The following ELL2 variants were observed in gnomAD, a reference collection of about 807,000 sequenced individuals.
ELL2 encodes the protein RNA polymerase II elongation factor ELL2.
Under a neutral mutation model 72.8 loss-of-function variants are expected in ELL2, and 21 were observed. That is an observed-to-expected ratio of 0.29 (90% CI 0.20 to 0.42). The LOEUF is 0.42. Among genes scored for constraint, ELL2 ranks in the 10% least tolerant of loss-of-function variants. The pLI is 1.00. For synonymous variants in ELL2, 266 were observed against 283.2 expected (o/e 0.94, Z 0.61); for missense variants, 568 against 772.8 (o/e 0.73, Z 3.14).
chr5:95,931,511 A>G (rs1750599312), intron 2 of ELL2, among the ~76,000 whole-genome samples: 1 of 152,112 alleles, frequency 6.6e-6, no homozygotes. Context: ...AGTTAACTAT[A>G]CTCATTCTGA....
At chr5:95,903,035 C>G (rs1749200224) in intron 5 of ELL2, among the ~76,000 whole-genome samples, 1 of 151,976 alleles carries the variant, frequency 6.6e-6, no homozygotes, top group Non-Finnish European at 1.5e-5. Flanking sequence ...GCAATCTTCC[C>G]TTGGCCTCCT....
At chr5:95,900,452 TA>T in intron 7 of ELL2, 1 of 319,810 alleles carries the variant, frequency 3.1e-6, no homozygotes, top group Non-Finnish European at 5.6e-6. Context: ...ATGTAAACTT[TA>T]AAAATGGAAA....
At chr5:95,920,802 G>A (rs1781380807) in intron 2 of ELL2, among the ~76,000 whole-genome samples, 1 of 152,122 alleles carries the variant, frequency 6.6e-6, no homozygotes, top group Non-Finnish European at 1.5e-5. Flanking sequence ...TGACTTAACC[G>A]AACTTCAGCT....
intron 5 of ELL2, among the ~76,000 whole-genome samples, chr5:95,904,126 C>T (rs1749256610): frequency 6.6e-6 from 1 of 152,212 alleles, no homozygotes; most frequent in African/African-American, 2.4e-5. Flanking sequence ...TCCCTGATCT[C>T]TCCACTTAAA....
At chr5:95,943,103 G>A in intron 1 of ELL2, 54 bp from the exon 2 acceptor site, 1 of 1,462,424 alleles carries the variant, frequency 6.8e-7, no homozygotes, top group Non-Finnish European at 9.4e-7. Flanking sequence ...CTGTGACATA[G>A]AACTAAATGT....
At chr5:95,954,403 CTTTTTTT>C (rs996595214) in intron 1 of ELL2, among the ~76,000 whole-genome samples, 2 of 122,486 alleles carry the variant, frequency 1.6e-5, no homozygotes, top group African/African-American at 3.0e-5. Context: ...TTAAATTATT[CTTTTTTT>C]TTTTTTTTTT....
intron 3 of ELL2, among the ~76,000 whole-genome samples, chr5:95,918,585 A>C (rs1338834473): frequency 6.6e-6 from 1 of 152,216 alleles, no homozygotes; most frequent in Non-Finnish European, 1.5e-5. Flanking sequence ...ACATTGAGCA[A>C]GTACTTACAT....
intron 1 of ELL2, among the ~76,000 whole-genome samples, chr5:95,952,696 T>C (rs368452770): frequency 3.5e-4 from 54 of 152,348 alleles, no homozygotes; most frequent in African/African-American, 1.1e-3. Context: ...AGATATCTAT[T>C]AAACTTTGAT....
intron 2 of ELL2, among the ~76,000 whole-genome samples, chr5:95,927,615 GTA>G (rs79271503): frequency 3.1e-5 from 1 of 31,966 alleles, no homozygotes; most frequent in Non-Finnish European, 5.1e-5. Context: ...ACACACGTGT[GTA>G]TATAGACATA....
intron 1 of ELL2, among the ~76,000 whole-genome samples, chr5:95,945,813 T>G (rs1039256097): frequency 6.6e-6 from 1 of 152,204 alleles, no homozygotes; most frequent in African/African-American, 2.4e-5. Flanking sequence ...TCTTTCCCAC[T>G]TGAAATACAA....
chr5:95,917,319 T>A (rs1749852243), intron 3 of ELL2, among the ~76,000 whole-genome samples: 1 of 152,192 alleles, frequency 6.6e-6, no homozygotes, highest in South Asian at 2.1e-4. Context: ...ACTAGTTAAT[T>A]TGTATTTGTT....
chr5:95,896,335 G>A (rs1174124201), intron 8 of ELL2, among the ~76,000 whole-genome samples: 2 of 151,850 alleles, frequency 1.3e-5, no homozygotes, highest in African/African-American at 2.4e-5. Flanking sequence ...CACAGTGAAA[G>A]TATGTAAATC....
chr5:95,955,633 A>G (rs151202519), intron 1 of ELL2, among the ~76,000 whole-genome samples: 5 of 152,342 alleles, frequency 3.3e-5, no homozygotes, highest in African/African-American at 1.2e-4. Context: ...ATGGACATTA[A>G]TTTATTATAT....
At chr5:95,929,420 G>A (rs761555895) in intron 2 of ELL2, among the ~76,000 whole-genome samples, 8 of 151,910 alleles carry the variant, frequency 5.3e-5, no homozygotes, top group East Asian at 1.9e-4. Context: ...CACCACATCC[G>A]GCTAATTTTT....
intron 3 of ELL2, among the ~76,000 whole-genome samples, chr5:95,915,188 T>C (rs6870370): frequency 0.48 from 72,291 of 151,906 alleles, 19,705 homozygotes; most frequent in East Asian, 0.86. Context: ...CTGCAAGCTC[T>C]GCCTCCCGGG....
Position 95,919,416 on chromosome 5 carries a change from G to C in ELL2, c.317+8C>G, listed in dbSNP as rs1201602278. The C allele has an allele frequency of 8.9e-6, 14 of 1,578,504 alleles. No homozygotes were observed. Among genetic ancestry groups the C allele is most frequent in the Non-Finnish European group, 1.2e-5 (14 of 1,169,808 alleles). On this transcript the variant is annotated splice_region_variant and intron_variant, in intron 3 of 11. Coordinates refer to ENST00000237853, the MANE Select transcript of ELL2 (RefSeq NM_012081.6). ...TTTCCCCTTCAGTGTACCTTGAAAAGTACTTACCTGGAGAATGTTTGCTGG... is the reference window on the plus strand; with the variant it reads ...TTTCCCCTTCAGTGTACCTTGAAAACTACTTACCTGGAGAATGTTTGCTGG...
At chr5:95,905,748 T>G (rs542797794) in intron 5 of ELL2, among the ~76,000 whole-genome samples, 42 of 58,186 alleles carry the variant, frequency 7.2e-4, no homozygotes, top group Admixed American at 3.0e-4. Context: ...ACCTGTAGGG[T>G]TTTTTTTTTT....
intron 2 of ELL2, among the ~76,000 whole-genome samples, chr5:95,931,978 G>GTTTTTTTTTTTTTT (rs10627430): frequency 7.1e-6 from 1 of 140,776 alleles, no homozygotes; most frequent in Non-Finnish European, 1.6e-5. Context: ...CTGTGGGGGT[G>GTTTTTTTTTTTTTT]TTTTTTTTTT....
chr5:95,950,904 GTATATATATATATATATA>G lies in ELL2; in HGVS notation c.148-7873_148-7856del, dbSNP rs869036736. 8.9e-3 allele frequency among the ~76,000 whole-genome samples: 417 copies of G among 46,608 alleles called. 6 individuals are homozygous for G. Among genetic ancestry groups the G allele is most frequent in the Middle Eastern group, 0.054 (3 of 56 alleles). The allele number at this position is 46,608 out of a possible 152,430, so 30.6% of individuals were successfully genotyped here. ...TATATATATATGTATGTATGTATGT[GTATATATATATATATATA>G]TATATATATATATATATATATATAT... On this transcript the variant is annotated intron_variant, in intron 1 of 11. Transcript: ENST00000237853.
Sources: allele counts gnomAD v4.1 joint callset (sites outside exome capture counted in the v4.1 genomes callset), GRCh38; gene constraint gnomAD v4.1.1; transcripts MANE v1.5; gene names NCBI Gene and HGNC (gene_info 2026-07-23, HGNC 2026-07-21).